MEIG1: variants seen among roughly 807,000 people sequenced by gnomAD.
MEIG1 encodes meiosis expressed gene 1 protein homolog.
Under a neutral mutation model 11.3 loss-of-function variants are expected in MEIG1, and 12 were observed. The observed-to-expected ratio is 1.07, with a 90% CI of 0.68 to 1.73. MEIG1 has a LOEUF of 1.73. Ranked by LOEUF, MEIG1 falls within the 40% of genes most tolerant of loss-of-function variation. The probability of loss-of-function intolerance (pLI) is 0.00; values close to 1 mark genes in which losing one functional copy is unlikely to be tolerated. For missense variants in MEIG1, 119 were observed against 104.9 expected (o/e 1.13, Z -0.59); for synonymous variants, 41 against 33.2 (o/e 1.24, Z -0.81).
chr10:14,962,699 A>G (rs1487790214), intron 1 of MEIG1, among the ~76,000 whole-genome samples: 1 of 152,216 alleles, frequency 6.6e-6, no homozygotes, highest in Non-Finnish European at 1.5e-5. Flanking sequence ...CATGTGCTTC[A>G]TCTGTAAAAG....
intron 1 of MEIG1, among the ~76,000 whole-genome samples, chr10:14,978,627 T>G (rs1843234192): frequency 6.6e-6 from 1 of 151,934 alleles, no homozygotes; most frequent in African/African-American, 2.4e-5. Flanking sequence ...GGGGTTGTGT[T>G]CGCTGCGATA....
At chr10:14,963,969 G>C (rs1843046793) in intron 1 of MEIG1, among the ~76,000 whole-genome samples, 2 of 151,906 alleles carry the variant, frequency 1.3e-5, no homozygotes, top group Non-Finnish European at 2.9e-5. Context: ...ATGGTAGTGG[G>C]CGCCTGTAGT....
chr10:14,966,393 A>G (rs376750931), intron 1 of MEIG1, 47 bp from the exon 2 acceptor site: 1 of 1,374,238 alleles, frequency 7.3e-7, no homozygotes, highest in Non-Finnish European at 9.8e-7. Context: ...GAATTTCAAA[A>G]TTGTCACTAT....
chr10:14,987,661 A>T, intron 2 of MEIG1: 1 of 382,866 alleles, frequency 2.6e-6, no homozygotes, highest in African/African-American at 2.1e-5. Context: ...ACTACTTTAG[A>T]GAAAATCCAC....
intron 1 of MEIG1, among the ~76,000 whole-genome samples, chr10:14,965,703 AGAGAGAGAGAGAGG>A (rs200429552): frequency 0.11 from 3,620 of 32,718 alleles, 122 homozygotes; most frequent in African/African-American, 0.21. Context: ...AGAGAGAGAG[AGAGAGAGAGAGAGG>A]TGCAGCTTTG....
chr10:14,971,846 A>G (rs137957429), intron 2 of MEIG1, among the ~76,000 whole-genome samples: 1 of 152,290 alleles, frequency 6.6e-6, no homozygotes, highest in Non-Finnish European at 1.5e-5. Context: ...AGCTGGGTGC[A>G]GTGGCTCAGG....
At chr10:14,967,590 C>T (rs1201915583) in intron 2 of MEIG1, among the ~76,000 whole-genome samples, 1 of 151,736 alleles carries the variant, frequency 6.6e-6, no homozygotes, top group Non-Finnish European at 1.5e-5. Context: ...GTGCAACCTC[C>T]ACCTCCCGGG....
chr10:14,963,153 A>G (rs1187044020), intron 1 of MEIG1, among the ~76,000 whole-genome samples: 13 of 150,572 alleles, frequency 8.6e-5, no homozygotes. Context: ...CTGGAGTGCA[A>G]TGGCACGATC....
intron 1 of MEIG1, among the ~76,000 whole-genome samples, chr10:14,980,611 C>A (rs978538040): frequency 6.6e-6 from 1 of 152,148 alleles, no homozygotes; most frequent in African/African-American, 2.4e-5. Flanking sequence ...GTTCTCTTGG[C>A]GCACCCGACT....
intron 1 of MEIG1, among the ~76,000 whole-genome samples, chr10:14,978,657 C>A (rs758014952): frequency 6.6e-6 from 1 of 151,948 alleles, no homozygotes. Flanking sequence ...GTCTCCTAGA[C>A]GGATGTTACA....
chr10:14,986,989 G>A (rs1294204718), exon 2 of MEIG1: 7 of 682,968 alleles, frequency 1.0e-5, no homozygotes, highest in South Asian at 1.5e-5. Context: ...AAGGAAAAAG[G>A]ACACCAAAAC....
upstream of MEIG1, among the ~76,000 whole-genome samples, chr10:14,957,925 T>A (rs564572920): frequency 1.1e-3 from 167 of 152,266 alleles, 3 homozygotes; most frequent in South Asian, 0.034. Context: ...GGATTACAGG[T>A]GTGAGCCACC....
At chr10:14,981,932 C>A (rs377721719) in intron 1 of MEIG1, among the ~76,000 whole-genome samples, 1 of 152,194 alleles carries the variant, frequency 6.6e-6, no homozygotes, top group African/African-American at 2.4e-5. Context: ...ATTCTCTTTG[C>A]GCTTTTCCTC....
At chr10:14,980,279 T>C (rs1843250640) in intron 1 of MEIG1, among the ~76,000 whole-genome samples, 1 of 152,136 alleles carries the variant, frequency 6.6e-6, no homozygotes, top group African/African-American at 2.4e-5. Flanking sequence ...ATGTTACTCC[T>C]TATGTCACAG....
intron 1 of MEIG1, among the ~76,000 whole-genome samples, chr10:14,984,407 G>A (rs750364823): frequency 2.0e-5 from 3 of 152,062 alleles, no homozygotes; most frequent in Non-Finnish European, 4.4e-5. Flanking sequence ...TCGTAATATT[G>A]TAGGGGAATG....
rs182610855 is a variant in MEIG1 at position 14,981,496 on chromosome 10, G to A, written n.67-5300G>A. Among the ~76,000 whole-genome samples the A allele has an allele frequency of 1.9e-4, 29 of 152,300 alleles. No individual in the cohort carries two copies. The East Asian group carries it at 3.7e-3, about 19-fold the overall frequency. On this transcript the variant is annotated intron_variant and non_coding_transcript_variant, in intron 1 of 2. Coordinates refer to the MEIG1 transcript ENST00000467536. ...AGCTTGCTTTGCGGAAACCCCCGTGGCTCCGGTGATGTCAAGAGTCTTTTT... is the reference window on the plus strand; with the variant it reads ...AGCTTGCTTTGCGGAAACCCCCGTGACTCCGGTGATGTCAAGAGTCTTTTT...
At chr10:14,973,184 G>A (rs966320967), downstream of MEIG1, among the ~76,000 whole-genome samples, 5 of 152,002 alleles carry the variant, frequency 3.3e-5, no homozygotes. Context: ...TAATAACTGT[G>A]GTGTGATCAC....
chr10:14,960,278 G>A (rs964402848), intron 1 of MEIG1, among the ~76,000 whole-genome samples: 2 of 152,210 alleles, frequency 1.3e-5, no homozygotes, highest in African/African-American at 4.8e-5. Context: ...TAATGCTCTT[G>A]AAGTTTTAAT....
upstream of MEIG1, among the ~76,000 whole-genome samples, chr10:14,954,757 G>T (rs1370186982): frequency 2.0e-5 from 3 of 151,972 alleles, no homozygotes; most frequent in Non-Finnish European, 4.4e-5. Flanking sequence ...TGGCAGGAAA[G>T]GTCTAAAATT....
Sources: allele counts gnomAD v4.1 joint callset (sites outside exome capture counted in the v4.1 genomes callset), GRCh38; gene constraint gnomAD v4.1.1; transcripts MANE v1.5; gene names NCBI Gene and HGNC (gene_info 2026-07-23, HGNC 2026-07-21).